Variants in NXPE2 observed in about 807,000 individuals in gnomAD.
NXPE2 encodes neurexophilin and PC-esterase domain family member 2, also known as NXPE family member 2.
A neutral mutation model predicts 34.4 loss-of-function variants in NXPE2; 34 were observed. The ratio of observed to expected loss-of-function variants is 0.99; its 90% confidence interval spans 0.75 to 1.31. The LOEUF (loss-of-function observed/expected upper bound fraction) is 1.31, where lower values mean the gene tolerates loss of function less well. NXPE2 is among the 40% of genes most tolerant of loss of function. NXPE2 has a pLI of 0.00. For missense variants in NXPE2, 649 were observed against 672.5 expected (o/e 0.97, Z 0.39); for synonymous variants, 235 against 231.3 (o/e 1.02, Z -0.15).
At chr11:114,731,409 A>G in the NXPE2 span, among the ~76,000 whole-genome samples, 1 of 152,218 alleles carries the variant, frequency 6.6e-6, no homozygotes, top group Non-Finnish European at 1.5e-5. Context: ...ATGTTTATAC[A>G]AACACCTGTA....
chr11:114,552,892 G>A, the NXPE2 span: 1 of 973,936 alleles, frequency 1.0e-6, no homozygotes, highest in Non-Finnish European at 1.2e-6. Flanking sequence ...TGAAAATAAG[G>A]AGAAGCAGCA....
chr11:114,564,203 A>G, the NXPE2 span, among the ~76,000 whole-genome samples: 1 of 152,230 alleles, frequency 6.6e-6, no homozygotes, highest in Non-Finnish European at 1.5e-5. Flanking sequence ...TAACTCAGGA[A>G]TGGAAAACCA....
chr11:114,665,927 GTTA>G, the NXPE2 span, among the ~76,000 whole-genome samples: 1 of 152,158 alleles, frequency 6.6e-6, no homozygotes, highest in African/African-American at 2.4e-5. Flanking sequence ...TCTGTGTGCA[GTTA>G]TTATCACTCT....
the NXPE2 span, among the ~76,000 whole-genome samples, chr11:114,781,216 C>G: frequency 6.6e-6 from 1 of 152,094 alleles, no homozygotes; most frequent in Non-Finnish European, 1.5e-5. Context: ...CACTAGCTTC[C>G]CCTACCTCCT....
chr11:114,612,601 G>A, the NXPE2 span, among the ~76,000 whole-genome samples: 9 of 151,958 alleles, frequency 5.9e-5, no homozygotes, highest in Non-Finnish European at 1.3e-4. Flanking sequence ...TTGCCTCACG[G>A]GTAACCAGAG....
chr11:114,602,832 CATAT>C, the NXPE2 span, among the ~76,000 whole-genome samples: 1 of 145,600 alleles, frequency 6.9e-6, no homozygotes, highest in Non-Finnish European at 1.5e-5. Flanking sequence ...ATAATTATCT[CATAT>C]AATTACAGAA....
At chr11:114,766,745 A>C in the NXPE2 span, among the ~76,000 whole-genome samples, 1 of 151,970 alleles carries the variant, frequency 6.6e-6, no homozygotes, top group African/African-American at 2.4e-5. Context: ...TCTCACTGTG[A>C]CTAGAGTCAG....
chr11:114,546,534 T>C, the NXPE2 span, among the ~76,000 whole-genome samples: 1 of 151,400 alleles, frequency 6.6e-6, no homozygotes, highest in South Asian at 2.1e-4. Flanking sequence ...ATTCCTGGCC[T>C]CAAACGATCC....
At chr11:114,583,825 C>T in the NXPE2 span, 5 of 422,426 alleles carry the variant, frequency 1.2e-5, no homozygotes, top group Admixed American at 1.5e-4. Flanking sequence ...ATATTACAGG[C>T]TAGGCCAGGA....
intron 2 of NXPE2, among the ~76,000 whole-genome samples, chr11:114,685,506 C>G (rs1400817): frequency 0.26 from 38,950 of 152,058 alleles, 5,168 homozygotes; most frequent in East Asian, 0.42. Flanking sequence ...CTCTTAATAC[C>G]ATCACATTGA....
the NXPE2 span, among the ~76,000 whole-genome samples, chr11:114,520,252 C>T: frequency 0.23 from 34,359 of 151,866 alleles, 5,439 homozygotes; most frequent in African/African-American, 0.44. Flanking sequence ...TTGACCTACA[C>T]CTCCCTGTTT....
At chr11:114,661,484 G>T in the NXPE2 span, among the ~76,000 whole-genome samples, 1 of 152,144 alleles carries the variant, frequency 6.6e-6, no homozygotes, top group Non-Finnish European at 1.5e-5. Context: ...TGCCTGTTTT[G>T]TCTGCATTGT....
At chr11:114,809,745 C>G in the NXPE2 span, among the ~76,000 whole-genome samples, 82 of 128,282 alleles carry the variant, frequency 6.4e-4, no homozygotes, top group Middle Eastern at 3.8e-3. Flanking sequence ...GAATCAATAT[C>G]ATGAAAATGG....
chr11:114,505,086 T>C, the NXPE2 span, among the ~76,000 whole-genome samples: 1 of 152,060 alleles, frequency 6.6e-6, no homozygotes, highest in Admixed American at 6.5e-5. Flanking sequence ...AATTTCATAA[T>C]GCAAGTATTA....
chr11:114,519,692 C>T, the NXPE2 span, among the ~76,000 whole-genome samples: 1 of 151,974 alleles, frequency 6.6e-6, no homozygotes, highest in African/African-American at 2.4e-5. Context: ...TAGAGTGGTG[C>T]AGAGGCTTCA....
At chr11:114,751,306 A>G in the NXPE2 span, among the ~76,000 whole-genome samples, 1 of 152,130 alleles carries the variant, frequency 6.6e-6, no homozygotes, top group Non-Finnish European at 1.5e-5. Flanking sequence ...TCTACAATAC[A>G]CCATTCGTTG....
the NXPE2 span, among the ~76,000 whole-genome samples, chr11:114,726,942 G>A: frequency 1.3e-5 from 2 of 149,190 alleles, no homozygotes; most frequent in Admixed American, 6.7e-5. Context: ...TCTGGTCATC[G>A]TATTGTCTAA....
the NXPE2 span, among the ~76,000 whole-genome samples, chr11:114,596,449 A>G: frequency 2.6e-5 from 4 of 152,142 alleles, no homozygotes; most frequent in Non-Finnish European, 5.9e-5. Context: ...TCATCTTTCC[A>G]TCTTATTTAA....
At chr11:114,646,148 G>A in the NXPE2 span, among the ~76,000 whole-genome samples, 2 of 151,972 alleles carry the variant, frequency 1.3e-5, no homozygotes, top group Non-Finnish European at 2.9e-5. Context: ...TGAGGTAATA[G>A]TGGTAACTTT....
Sources: gnomAD v4.1 joint callset for allele counts (sites outside exome capture counted in the v4.1 genomes callset) on GRCh38, gnomAD v4.1.1 for gene constraint, MANE v1.5 for transcripts, NCBI Gene and HGNC (gene_info 2026-07-23, HGNC 2026-07-21) for gene names.